ITFG1: variants seen among roughly 807,000 people sequenced by gnomAD.
The protein encoded by ITFG1 is T-cell immunomodulatory protein.
ITFG1 carries 34 observed loss-of-function variants against 81.8 expected under a neutral mutation model. That is an observed-to-expected ratio of 0.42 (90% confidence interval 0.32 to 0.55). ITFG1 has a LOEUF of 0.55. Among genes scored for constraint, ITFG1 ranks in the 20% least tolerant of loss-of-function variants. ITFG1 has a pLI of 0.17. For missense variants in ITFG1, 672 were observed against 755.4 expected (o/e 0.89, Z 1.29); for synonymous variants, 285 against 270.6 (o/e 1.05, Z -0.52).
intron 10 of ITFG1, among the ~76,000 whole-genome samples, chr16:47,265,932 C>A (rs568972023): frequency 1.1e-4 from 17 of 152,122 alleles, no homozygotes; most frequent in African/African-American, 1.7e-4. Flanking sequence ...AAAAAGACAA[C>A]CCACAAAATG....
intron 8 of ITFG1, among the ~76,000 whole-genome samples, chr16:47,323,880 G>C (rs922706003): frequency 3.3e-5 from 5 of 152,128 alleles, no homozygotes; most frequent in Non-Finnish European, 7.3e-5. Flanking sequence ...GTCTGGAAGA[G>C]AACAGGGAGA....
At chr16:47,371,596 A>C (rs1968254088) in intron 7 of ITFG1, among the ~76,000 whole-genome samples, 1 of 152,200 alleles carries the variant, frequency 6.6e-6, no homozygotes, top group South Asian at 2.1e-4. Flanking sequence ...ATATTTATAA[A>C]GGTAAAAACT....
At position 47,350,492 on chromosome 16, in the gene ITFG1, C is replaced by T. The variant is rs530394850; in HGVS notation, c.802+15296G>A. ...AAATGGATAAATTCCTTGACACATA[C>T]GTCCTCCCAAGACTAAACCAGGAAG... On this transcript the variant is annotated intron_variant, in intron 8 of 17. Coordinates refer to ENST00000320640, the MANE Select transcript of ITFG1 (RefSeq NM_030790.5). 2.2e-4 allele frequency among the ~76,000 whole-genome samples: 33 copies of T among 152,010 alleles called. No homozygotes were observed. The South Asian group carries it at 6.6e-3, about 31-fold the overall frequency.
At chr16:47,321,852 C>T (rs1411988824) in intron 8 of ITFG1, among the ~76,000 whole-genome samples, 2 of 152,032 alleles carry the variant, frequency 1.3e-5, no homozygotes, top group Non-Finnish European at 2.9e-5. Flanking sequence ...ATTTACAATT[C>T]TTTATTTTTA....
intron 10 of ITFG1, among the ~76,000 whole-genome samples, chr16:47,285,006 T>A (rs141842983): frequency 6.6e-6 from 1 of 152,318 alleles, no homozygotes; most frequent in East Asian, 1.9e-4. Flanking sequence ...AGTATTATTG[T>A]TATTATGGTG....
At chr16:47,327,491 A>G (rs1320140891) in intron 8 of ITFG1, among the ~76,000 whole-genome samples, 1 of 152,174 alleles carries the variant, frequency 6.6e-6, no homozygotes, top group Non-Finnish European at 1.5e-5. Flanking sequence ...TAATTAAACT[A>G]AAGAGCTTCT....
chr16:47,409,308 C>CA (rs1224655638), intron 6 of ITFG1, among the ~76,000 whole-genome samples: 50 of 107,796 alleles, frequency 4.6e-4, no homozygotes, highest in East Asian at 8.8e-4. Flanking sequence ...ACCGAAATAC[C>CA]AAAAAAAAAA....
chr16:47,289,391 C>A (rs972866025), intron 10 of ITFG1, among the ~76,000 whole-genome samples: 1 of 152,074 alleles, frequency 6.6e-6, no homozygotes, highest in Non-Finnish European at 1.5e-5. Context: ...GAATTTCCAC[C>A]TCCTAAATTT....
chr16:47,313,486 A>G (rs1027596562), intron 9 of ITFG1, among the ~76,000 whole-genome samples: 1 of 152,212 alleles, frequency 6.6e-6, no homozygotes, highest in African/African-American at 2.4e-5. Context: ...AAGCTAAAAG[A>G]TCATTTAATT....
chr16:47,401,457 GCTGAGTACAAAATC>G (rs912235775), intron 6 of ITFG1, among the ~76,000 whole-genome samples: 6 of 152,166 alleles, frequency 3.9e-5, no homozygotes, highest in Admixed American at 2.6e-4. Context: ...AAGGAAAAGG[GCTGAGTACAAAATC>G]CTGAGCTTTA....
intron 7 of ITFG1, among the ~76,000 whole-genome samples, chr16:47,369,733 T>G (rs1968225037): frequency 6.6e-6 from 1 of 152,126 alleles, no homozygotes; most frequent in African/African-American, 2.4e-5. Flanking sequence ...GGGCACACAG[T>G]GATGTTGTGA....
intron 6 of ITFG1, among the ~76,000 whole-genome samples, chr16:47,397,709 C>T (rs1042609216): frequency 3.3e-5 from 5 of 152,092 alleles, no homozygotes; most frequent in Admixed American, 2.0e-4. Context: ...ATTAAGAAAC[C>T]CTGAGGTAGA....
At chr16:47,446,658 A>G (rs1969328266) in intron 5 of ITFG1, among the ~76,000 whole-genome samples, 1 of 152,176 alleles carries the variant, frequency 6.6e-6, no homozygotes, top group Admixed American at 6.5e-5. Context: ...TTAGGCCTCC[A>G]GACTGATAAA....
At chr16:47,248,476 A>T (rs1966028127) in intron 12 of ITFG1, among the ~76,000 whole-genome samples, 1 of 152,240 alleles carries the variant, frequency 6.6e-6, no homozygotes, top group African/African-American at 2.4e-5. Flanking sequence ...TGGCATAATC[A>T]AAAAAGTAAA....
At chr16:47,184,961 A>G (rs1203261939) in intron 14 of ITFG1, among the ~76,000 whole-genome samples, 2 of 151,750 alleles carry the variant, frequency 1.3e-5, no homozygotes, top group Non-Finnish European at 2.9e-5. Context: ...AAAACAAAAA[A>G]AGGCAGGGGT....
chr16:47,311,190 T>C, intron 10 of ITFG1, 50 bp downstream of exon 10: 1 of 1,397,618 alleles, frequency 7.2e-7, no homozygotes, highest in Non-Finnish European at 9.9e-7. Context: ...GGTTTGCAAA[T>C]ATTTCTCACA....
intron 14 of ITFG1, among the ~76,000 whole-genome samples, chr16:47,179,454 C>T (rs1965072478): frequency 6.6e-6 from 1 of 152,010 alleles, no homozygotes; most frequent in African/African-American, 2.4e-5. Flanking sequence ...CACATGTACC[C>T]TAGAACTTAA....
intron 8 of ITFG1, among the ~76,000 whole-genome samples, chr16:47,325,377 G>C (rs1393096320): frequency 6.6e-6 from 1 of 152,160 alleles, no homozygotes; most frequent in Non-Finnish European, 1.5e-5. Flanking sequence ...AAGCAGGAAA[G>C]ATCTAAAATT....
At chr16:47,275,785 G>C (rs531665701) in intron 10 of ITFG1, among the ~76,000 whole-genome samples, 4 of 152,152 alleles carry the variant, frequency 2.6e-5, no homozygotes, top group Admixed American at 2.0e-4. Flanking sequence ...CCTAATTTGT[G>C]ATTCTGCCAC....
Sources: allele counts gnomAD v4.1 joint callset (sites outside exome capture counted in the v4.1 genomes callset), GRCh38; gene constraint gnomAD v4.1.1; transcripts MANE v1.5; gene names NCBI Gene and HGNC (gene_info 2026-07-23, HGNC 2026-07-21).